ELL2: variants seen among roughly 807,000 people sequenced by gnomAD.
The protein encoded by ELL2 is elongation factor for RNA polymerase II 2, also known as RNA polymerase II elongation factor ELL2.
A neutral mutation model predicts 72.8 loss-of-function variants in ELL2; 21 were observed. That is an observed-to-expected ratio of 0.29 (90% CI 0.20 to 0.42). The LOEUF is 0.42. Among genes scored for constraint, ELL2 ranks in the 10% least tolerant of loss-of-function variants. The pLI is 1.00. For missense variants in ELL2, 568 were observed against 772.8 expected (o/e 0.73, Z 3.14); for synonymous variants, 266 against 283.2 (o/e 0.94, Z 0.61).
At chr5:95,948,417 G>C (rs374563318) in intron 1 of ELL2, among the ~76,000 whole-genome samples, 26 of 91,810 alleles carry the variant, frequency 2.8e-4, no homozygotes, top group African/African-American at 1.2e-3. Context: ...GCAACAGAGC[G>C]AGACTCCGCC....
intron 1 of ELL2, among the ~76,000 whole-genome samples, chr5:95,948,943 A>G (rs549698427): frequency 6.6e-6 from 1 of 152,302 alleles, no homozygotes; most frequent in Non-Finnish European, 1.5e-5. Context: ...CTGCTCTTAG[A>G]AGCTCCTTGA....
intron 3 of ELL2, among the ~76,000 whole-genome samples, chr5:95,914,726 T>G (rs1309492851): frequency 6.6e-6 from 1 of 151,998 alleles, no homozygotes; most frequent in Non-Finnish European, 1.5e-5. Context: ...GTGCCTGAAG[T>G]TCCAGCTAGT....
intron 5 of ELL2, among the ~76,000 whole-genome samples, chr5:95,901,512 C>T (rs187515537): frequency 8.3e-4 from 127 of 152,254 alleles, no homozygotes; most frequent in Non-Finnish European, 1.5e-3. Context: ...TTTTCTTATA[C>T]ATACATACCT....
At chr5:95,956,648 C>G (rs1561518188) in intron 1 of ELL2, among the ~76,000 whole-genome samples, 2 of 152,142 alleles carry the variant, frequency 1.3e-5, no homozygotes, top group Admixed American at 6.5e-5. Flanking sequence ...TGAGTCTTTT[C>G]TGTGTCTTAA....
chr5:95,944,584 A>G (rs1338596209), intron 1 of ELL2, among the ~76,000 whole-genome samples: 3 of 152,226 alleles, frequency 2.0e-5, no homozygotes, highest in Non-Finnish European at 4.4e-5. Context: ...CCCCCAAACT[A>G]CTTTCCACAG....
At chr5:95,914,280 T>C (rs1749706254) in intron 3 of ELL2, among the ~76,000 whole-genome samples, 1 of 152,130 alleles carries the variant, frequency 6.6e-6, no homozygotes, top group Non-Finnish European at 1.5e-5. Context: ...AACACTGATA[T>C]GAGGAAAGTT....
rs186419393 is a variant in ELL2 at position 95,957,266 on chromosome 5, G to C, written c.147+4309C>G. 2.0e-3 allele frequency among the ~76,000 whole-genome samples: 312 copies of C among 152,300 alleles called. 1 individual carries two copies. The Middle Eastern group carries it at 0.031, about 15-fold the overall frequency. Reference sequence around the variant, plus strand: ...CATTACTGAGGAACCTAGCTAAAATGTATTTTTAAATGTTGGATTTTAATT... The same window carrying C: ...CATTACTGAGGAACCTAGCTAAAATCTATTTTTAAATGTTGGATTTTAATT... On this transcript the variant is annotated intron_variant, in intron 1 of 11. Transcript: ENST00000237853.
rs114942200 is a variant in ELL2 at position 95,916,223 on chromosome 5, C to T, written c.318-2289G>A. Among the ~76,000 whole-genome samples the T allele has an allele frequency of 9.4e-3, 1,430 of 151,870 alleles. 25 individuals carry two copies. The highest frequency in any genetic ancestry group is 0.032 in the African/African-American group (1,331 of 41,358). ...AAAGTTAAAGATCATGCCCAGGTCA[C>T]GAGGTATATGGAAGCTGCTATGTAC... On this transcript the variant is annotated intron_variant, in intron 3 of 11. Transcript: ENST00000237853.
chr5:95,895,687 A>G lies in ELL2; in HGVS notation c.1530T>C (p.Val510=). The part of the protein sequence containing the change: ...NNSSPNSSGG[V]KEDCTASMEP... ...CCATGGAGGCAGTGCAATCCTCTTT[A>G]ACTCCTATGAAGAAAAAAAACAAAA... Residue 510 remains valine, a synonymous_variant, in exon 9 of 12, where the codon GTT becomes GTC. Transcript: ENST00000237853. The G allele has an allele frequency of 6.2e-7, 1 of 1,613,894 alleles. No individual in the cohort carries two copies. The highest frequency in any genetic ancestry group is 1.3e-5 in the African/African-American group (1 of 75,044).
Position 95,942,930 on chromosome 5 carries a change from A to G in ELL2, c.195+72T>C, listed in dbSNP as rs372204169. The G allele has an allele frequency of 3.5e-5, 43 of 1,237,596 alleles. No individual in the cohort carries two copies. The East Asian group carries it at 4.3e-4, about 12-fold the overall frequency. The allele number at this position is 1,237,596 out of a possible 1,614,324, so 76.7% of individuals were successfully genotyped here. On this transcript the variant is annotated intron_variant, in intron 2 of 11. Transcript: ENST00000237853. Reference sequence around the variant, plus strand: ...CTGATTATAATAAAAGGGTCAACTGAAAACGGATTTTAAAAGTTGAATAGC... The same window carrying G: ...CTGATTATAATAAAAGGGTCAACTGGAAACGGATTTTAAAAGTTGAATAGC...
intron 6 of ELL2, 21 bp from the exon 7 acceptor site, chr5:95,900,801 AT>A (rs1279428830): frequency 2.5e-6 from 4 of 1,595,362 alleles, no homozygotes; most frequent in Non-Finnish European, 3.4e-6. Flanking sequence ...CACACATGTT[AT>A]GTGTTAAGGA....
At chr5:95,927,370 T>A (rs867566735) in intron 2 of ELL2, among the ~76,000 whole-genome samples, 1 of 90,878 alleles carries the variant, frequency 1.1e-5, no homozygotes, top group Admixed American at 9.8e-5. Context: ...TATATAGACA[T>A]ACACACACAC....
At chr5:95,914,070 T>TA in intron 3 of ELL2, 136 bp from the exon 4 acceptor site, 1 of 700,284 alleles carries the variant, frequency 1.4e-6, no homozygotes, top group Non-Finnish European at 2.1e-6. Context: ...AATTTTTAAA[T>TA]GTAAATGCTA....
At chr5:95,959,294 C>T (rs1487803216) in intron 1 of ELL2, among the ~76,000 whole-genome samples, 1 of 152,218 alleles carries the variant, frequency 6.6e-6, no homozygotes, top group African/African-American at 2.4e-5. Flanking sequence ...TGCCTCTTCC[C>T]ACCCACTGTG....
intron 1 of ELL2, among the ~76,000 whole-genome samples, chr5:95,945,840 T>C (rs1395515748): frequency 6.6e-6 from 1 of 152,224 alleles, no homozygotes; most frequent in Non-Finnish European, 1.5e-5. Flanking sequence ...GGATGAGATC[T>C]GACCTGTAAA....
intron 8 of ELL2, among the ~76,000 whole-genome samples, chr5:95,897,763 A>T (rs1748929931): frequency 2.0e-5 from 3 of 152,210 alleles, no homozygotes; most frequent in Admixed American, 2.0e-4. Context: ...CTGCAAATGA[A>T]ATTTTATCTT....
chr5:95,935,651 T>C lies in ELL2; in HGVS notation c.195+7351A>G, dbSNP rs377227080. Among the ~76,000 whole-genome samples the C allele has an allele frequency of 3.2e-3, 486 of 152,330 alleles. 6 individuals carry two copies. Among genetic ancestry groups the C allele is most frequent in the African/African-American group, 0.011 (475 of 41,568 alleles). On this transcript the variant is annotated intron_variant, in intron 2 of 11. Coordinates refer to ENST00000237853, the MANE Select transcript of ELL2 (RefSeq NM_012081.6). ...TACCCCCTGGGCAGCTCCATTCTGA[T>C]AGAATGAGGATTGGAGTGTAACCTG... is the stretch of plus-strand genomic sequence containing the variant.
intron 1 of ELL2, among the ~76,000 whole-genome samples, chr5:95,946,930 T>C (rs1276190717): frequency 7.0e-6 from 1 of 143,192 alleles, no homozygotes; most frequent in East Asian, 2.1e-4. Context: ...CAAGGAGTGG[T>C]GAGTACCTGG....
Position 95,961,702 on chromosome 5 carries a change from C to G in ELL2, c.20G>C (p.Gly7Ala). MAAGGT[G>A]GLREEQRYGL... ...ATAGCGCTGCTCCTCCCGCAGGCCCCCTGTCCCCCCCGCCGCCATCTTAAA... is the reference window on the plus strand; with the variant it reads ...ATAGCGCTGCTCCTCCCGCAGGCCCGCTGTCCCCCCCGCCGCCATCTTAAA... The change falls in exon 1 of 12, where the codon GGG becomes GCG. Residue 7 changes from glycine to alanine, a missense_variant. Physicochemically the swap from Gly to Ala is moderately conservative, Grantham distance 60. Coordinates refer to ENST00000237853, the MANE Select transcript of ELL2 (RefSeq NM_012081.6). 6.2e-7 allele frequency: 1 copy of G among 1,606,380 alleles called. No homozygotes were observed. The highest frequency in any genetic ancestry group is 8.5e-7 in the Non-Finnish European group (1 of 1,177,462).
Sources: allele counts gnomAD v4.1 joint callset (sites outside exome capture counted in the v4.1 genomes callset), GRCh38; gene constraint gnomAD v4.1.1; transcripts MANE v1.5; gene names NCBI Gene and HGNC (gene_info 2026-07-23, HGNC 2026-07-21).